HSPH1: variants seen among roughly 807,000 people sequenced by gnomAD.
HSPH1 encodes the protein heat shock protein family H (Hsp110) member 1.
Under a neutral mutation model 100.0 loss-of-function variants are expected in HSPH1, and 40 were observed. The ratio of observed to expected loss-of-function variants is 0.40; its 90% CI spans 0.31 to 0.52. The LOEUF (loss-of-function observed/expected upper bound fraction) is 0.52, where lower values mean the gene tolerates loss of function less well. Ranked by LOEUF, HSPH1 falls within the 20% of genes least tolerant of loss-of-function variation. The probability of loss-of-function intolerance (pLI) is 0.54; values close to 1 mark genes in which losing one functional copy is unlikely to be tolerated. For missense variants in HSPH1, 876 were observed against 1,015.1 expected (o/e 0.86, Z 1.86); for synonymous variants, 403 against 344.0 (o/e 1.17, Z -1.90).
Position 31,135,634 on chromosome 13 carries a change from TA to T in HSPH1, c.*1683del, listed in dbSNP as rs1383306353. ...CCTATCAGACGTACAAATGACGAGC[TA>T]CCTGGTCTAGATGGAATGAAGTGTT... On this transcript the variant is annotated 3_prime_UTR_variant, in exon 18 of 18. Transcript: ENST00000320027. The T allele has an allele frequency of 6.6e-6, 1 of 152,234 alleles. No individual in the cohort carries two copies. Among genetic ancestry groups the T allele is most frequent in the Non-Finnish European group, 1.5e-5 (1 of 68,038 alleles). The allele number at this position is 152,234 out of a possible 1,614,324, so 9.4% of individuals were successfully genotyped here.
In HSPH1 at chr13:31,148,021, G is replaced by C. The variant is rs1189447262; in HGVS notation, c.1316C>G (p.Pro439Arg). 1.2e-6 allele frequency: 2 copies of C among 1,610,628 alleles called. No homozygotes were observed. Among genetic ancestry groups the C allele is most frequent in the Admixed American group, 1.7e-5 (1 of 59,252 alleles). Residue 439 changes from proline to arginine, a missense_variant, in exon 10 of 18, where the codon CCT becomes CGT. By Grantham distance (103) the Pro-to-Arg change is moderately radical. Coordinates refer to ENST00000320027, the MANE Select transcript of HSPH1 (RefSeq NM_006644.4). ...SKVLTFLRRG[P>R]FELEAFYSDP... ...AGAATAGAAAGCTTCTAGCTCAAAAGGCCCCCTTCTCAGAAAGGTGAGAAC... is the reference window on the plus strand; with the variant it reads ...AGAATAGAAAGCTTCTAGCTCAAAACGCCCCCTTCTCAGAAAGGTGAGAAC...
chr13:31,148,846 C>T (rs745429763), intron 8 of HSPH1, among the ~76,000 whole-genome samples: 5 of 152,062 alleles, frequency 3.3e-5, no homozygotes, highest in Non-Finnish European at 5.9e-5. Flanking sequence ...GTTCTGTCTA[C>T]ACTGCTTTCC....
chr13:31,145,417 G>A (rs867811217), intron 11 of HSPH1, 146 bp downstream of exon 11: 12 of 638,300 alleles, frequency 1.9e-5, no homozygotes, highest in East Asian at 5.5e-5. Context: ...ACCACTAACC[G>A]GCAAGCGCTA....
chr13:31,161,847 T>G lies in HSPH1; in HGVS notation c.-265A>C. On this transcript the variant is annotated 5_prime_UTR_variant, in exon 1 of 18. Transcript: ENST00000320027. ...TCCGCAGGTCGCTCCGCACCTCGGG[T>G]TGCCTGCCTCACTCTGCCGCGGCTC... The G allele has an allele frequency of 6.8e-7, 1 of 1,479,036 alleles. No homozygotes were observed. Among genetic ancestry groups the G allele is most frequent in the African/African-American group, 1.4e-5 (1 of 71,556 alleles). 91.6% of individuals were successfully genotyped at this position (1,479,036 alleles called of 1,614,324 possible). A position where few individuals can be genotyped will look rare whatever the true frequency, so the allele number is the denominator to read the frequency against.
Position 31,136,941 on chromosome 13 carries a change from C to A in HSPH1, c.*377G>T. 1 of 313,926 alleles carries A rather than the reference C, an allele frequency of 3.2e-6. No individual in the cohort carries two copies. The highest frequency in any genetic ancestry group is 6.4e-6 in the Non-Finnish European group (1 of 155,878). The allele number at this position is 313,926 out of a possible 1,614,324, so 19.4% of individuals were successfully genotyped here. A position where few individuals can be genotyped will look rare whatever the true frequency, so the allele number is the denominator to read the frequency against. ...ACCCACACACATGCTGAATGGAGAGCAAAATGCAAGAAAACTACCTTGGCA... is the reference window on the plus strand; with the variant it reads ...ACCCACACACATGCTGAATGGAGAGAAAAATGCAAGAAAACTACCTTGGCA... On this transcript the variant is annotated 3_prime_UTR_variant, in exon 18 of 18. Transcript: ENST00000320027.
At chr13:31,152,537 C>A (rs1956525850) in intron 5 of HSPH1, 3 of 223,144 alleles carry the variant, frequency 1.3e-5, no homozygotes, top group South Asian at 6.9e-5. Flanking sequence ...AGTTTTGAAG[C>A]CCAGAATTTT....
Position 31,161,652 on chromosome 13 carries a change from G to T in HSPH1, c.-70C>A. The T allele has an allele frequency of 1.3e-6, 2 of 1,590,966 alleles. No individual in the cohort carries two copies. Among genetic ancestry groups the T allele is most frequent in the Non-Finnish European group, 1.7e-6 (2 of 1,174,428 alleles). ...CTCCGGCCCCCTGCCTGCTTCTCCT[G>T]CCGCCGCTTTCTGCCCTGGCCGCGT... On this transcript the variant is annotated 5_prime_UTR_variant, in exon 1 of 18. Coordinates refer to ENST00000320027, the MANE Select transcript of HSPH1 (RefSeq NM_006644.4).
chr13:31,158,916 AACTG>A (rs1218209346), intron 1 of HSPH1, 53 bp from the exon 2 acceptor site: 1 of 1,107,874 alleles, frequency 9.0e-7, no homozygotes, highest in Admixed American at 1.7e-5. Flanking sequence ...TGATATTTTA[AACTG>A]ATAAGAGAAA....
chr13:31,158,742 T>G, intron 2 of HSPH1, 64 bp downstream of exon 2: 1 of 1,030,296 alleles, frequency 9.7e-7, no homozygotes, highest in Non-Finnish European at 1.5e-6. Context: ...TATATGTCTC[T>G]TGAGATTTTC....
At chr13:31,159,309 A>T (rs2137661990) in intron 1 of HSPH1, among the ~76,000 whole-genome samples, 1 of 152,340 alleles carries the variant, frequency 6.6e-6, no homozygotes, top group Non-Finnish European at 1.5e-5. Flanking sequence ...TAGGAATCAA[A>T]AGTTTTTATG....
In HSPH1 at chr13:31,151,178, G is replaced by A; in HGVS notation, c.677C>T (p.Ala226Val). The change falls in exon 7 of 18, where the codon GCT (alanine) becomes GTT (valine). Residue 226 changes from alanine to valine, a missense_variant. Physicochemically the swap from Ala to Val is moderately conservative, Grantham distance 64. Coordinates refer to ENST00000320027, the MANE Select transcript of HSPH1 (RefSeq NM_006644.4). ...TTTTCCTCCTAAGAAAGGATCAAAA[G>A]CTGTTCCCAGTACCTAATTTGGTTG... ...NKGKLKVLGT[A>V]FDPFLGGKNF... The A allele has an allele frequency of 6.2e-7, 1 of 1,610,198 alleles. No individual in the cohort carries two copies. The highest frequency in any genetic ancestry group is 8.5e-7 in the Non-Finnish European group (1 of 1,177,724).
At chr13:31,144,828 A>G (rs931558430) in intron 11 of HSPH1, among the ~76,000 whole-genome samples, 34 of 152,268 alleles carry the variant, frequency 2.2e-4, no homozygotes, top group Middle Eastern at 6.8e-3. Context: ...GAATTTTTCT[A>G]GATGAGAATA....
chr13:31,135,210 CCA>C lies in HSPH1; in HGVS notation c.*2106_*2107del, dbSNP rs1404082602. 26 of 152,274 alleles carry C rather than the reference CCA, an allele frequency of 1.7e-4. No homozygotes were observed. The highest frequency in any genetic ancestry group is 6.0e-4 in the African/African-American group (25 of 41,552). 9.4% of individuals were successfully genotyped at this position (152,274 alleles called of 1,614,324 possible). On this transcript the variant is annotated 3_prime_UTR_variant, in exon 18 of 18. Coordinates refer to ENST00000320027, the MANE Select transcript of HSPH1 (RefSeq NM_006644.4). ...CAAAAGCGCAGTACACTGATTTAGG[CCA>C]GACTGACTGATGCTCCCTCCCGTCA...
chr13:31,159,135 A>G (rs1300437843), intron 1 of HSPH1, among the ~76,000 whole-genome samples: 1 of 152,192 alleles, frequency 6.6e-6, no homozygotes, highest in African/African-American at 2.4e-5. Context: ...TGAACCGAAC[A>G]TTAACTTTGA....
chr13:31,143,638 T>G (rs1247771319), intron 12 of HSPH1, among the ~76,000 whole-genome samples, 154 bp downstream of exon 12: 2 of 152,074 alleles, frequency 1.3e-5, no homozygotes, highest in African/African-American at 4.8e-5. Flanking sequence ...CTCTAACTGG[T>G]TTTAGTTGAA....
chr13:31,147,128 C>T lies in HSPH1; in HGVS notation c.1378+831G>A, dbSNP rs150284549. Among the ~76,000 whole-genome samples the T allele has an allele frequency of 9.9e-5, 15 of 152,190 alleles. No homozygotes were observed. The East Asian group carries it at 2.7e-3, about 27-fold the overall frequency. On this transcript the variant is annotated intron_variant, in intron 10 of 17. Coordinates refer to ENST00000320027, the MANE Select transcript of HSPH1 (RefSeq NM_006644.4). ...TCAATCAAACATGAAAAATTAGATG[C>T]CATGCCAAAGAGCTGGGATTTTATC...
Position 31,155,500 on chromosome 13 carries a change from C to T in HSPH1, c.306+14G>A, listed in dbSNP as rs1208897910. ...ATAAGTTGGTATTTTTCTAAGGTTGCTCAATTATATTACCTTTATTCCAAC... is the reference window on the plus strand; with the variant it reads ...ATAAGTTGGTATTTTTCTAAGGTTGTTCAATTATATTACCTTTATTCCAAC... On this transcript the variant is annotated intron_variant, in intron 3 of 17. Coordinates refer to ENST00000320027, the MANE Select transcript of HSPH1 (RefSeq NM_006644.4). 1 of 1,588,284 alleles carries T rather than the reference C, an allele frequency of 6.3e-7. No individual in the cohort carries two copies. The highest frequency in any genetic ancestry group is 1.2e-5 in the South Asian group (1 of 86,260).
At chr13:31,153,636 A>C (rs1956566351) in intron 4 of HSPH1, among the ~76,000 whole-genome samples, 1 of 152,226 alleles carries the variant, frequency 6.6e-6, no homozygotes, top group Non-Finnish European at 1.5e-5. Flanking sequence ...AAAGTATCTA[A>C]CAACACATTC....
upstream of HSPH1, chr13:31,162,382 G>GA (rs1940913275): frequency 1.9e-6 from 1 of 516,038 alleles, no homozygotes; most frequent in Admixed American, 3.2e-5. Context: ...CCCGCTGGGA[G>GA]AAGTGTGCGC....
Sources: gnomAD v4.1 joint callset for allele counts (sites outside exome capture counted in the v4.1 genomes callset) on GRCh38, gnomAD v4.1.1 for gene constraint, MANE v1.5 for transcripts, NCBI Gene and HGNC (gene_info 2026-07-23, HGNC 2026-07-21) for gene names.